The following RBMS3 variants were observed in gnomAD, a reference collection of about 807,000 sequenced individuals.
RBMS3 encodes RNA-binding motif, single-stranded-interacting protein 3.
In RBMS3, 27 loss-of-function variants were observed where a neutral mutation model predicts 66.8. That is an observed-to-expected ratio of 0.40 (90% CI 0.30 to 0.56). RBMS3 has a LOEUF of 0.56. Ranked by LOEUF, RBMS3 falls within the 20% of genes least tolerant of loss-of-function variation. The pLI is 0.40. For missense variants in RBMS3, 513 were observed against 549.5 expected (o/e 0.93, Z 0.66); for synonymous variants, 188 against 183.0 (o/e 1.03, Z -0.22).
At chr3:29,700,685 T>TTC (rs1553644564) in intron 4 of RBMS3, among the ~76,000 whole-genome samples, 7,361 of 151,406 alleles carry the variant, frequency 0.049, 600 homozygotes, top group African/African-American at 0.17. Context: ...TTTTTTTTTT[T>TTC]CAGGAAAGTG....
intron 6 of RBMS3, among the ~76,000 whole-genome samples, chr3:29,799,016 C>T (rs1210873419): frequency 6.8e-6 from 1 of 146,158 alleles, no homozygotes; most frequent in East Asian, 2.0e-4. Context: ...TCTTCAACCT[C>T]TTTAAATATT....
intron 6 of RBMS3, among the ~76,000 whole-genome samples, chr3:29,825,880 C>A (rs2058199584): frequency 6.6e-6 from 1 of 152,170 alleles, no homozygotes; most frequent in African/African-American, 2.4e-5. Flanking sequence ...ATAATCAAAT[C>A]TATTTCAAGG....
chr3:29,709,859 A>G (rs79483562), intron 4 of RBMS3, among the ~76,000 whole-genome samples: 4,303 of 152,332 alleles, frequency 0.028, 88 homozygotes, highest in Admixed American at 0.064. Context: ...ATAGAGATAA[A>G]GCGTTATCTT....
chr3:29,569,344 G>A (rs2046857103), intron 3 of RBMS3, among the ~76,000 whole-genome samples: 2 of 152,020 alleles, frequency 1.3e-5, no homozygotes, highest in East Asian at 1.9e-4. Context: ...GCAATTTAAA[G>A]GGACACGAAA....
intron 5 of RBMS3, among the ~76,000 whole-genome samples, chr3:29,748,876 G>A (rs112532980): frequency 0.2 from 30,413 of 152,092 alleles, 3,512 homozygotes; most frequent in Non-Finnish European, 0.27. Flanking sequence ...GTGGGGAAGG[G>A]GCAGGGGAGA....
At chr3:29,721,869 A>G (rs905720046) in intron 4 of RBMS3, among the ~76,000 whole-genome samples, 2 of 152,260 alleles carry the variant, frequency 1.3e-5, no homozygotes, top group African/African-American at 4.8e-5. Context: ...TTGAATGTCC[A>G]TCTTCATTCT....
chr3:29,484,321 TG>T (rs1264372419), intron 2 of RBMS3, among the ~76,000 whole-genome samples: 1 of 152,162 alleles, frequency 6.6e-6, no homozygotes, highest in Admixed American at 6.5e-5. Context: ...AGTTTTGAAG[TG>T]GGAAATACAA....
At chr3:29,667,771 G>A (rs1418327608) in intron 4 of RBMS3, among the ~76,000 whole-genome samples, 1 of 152,034 alleles carries the variant, frequency 6.6e-6, no homozygotes, top group Non-Finnish European at 1.5e-5. Flanking sequence ...AAATCTCTAA[G>A]CCCATATTTA....
chr3:29,795,611 T>C (rs2149434120), intron 6 of RBMS3, among the ~76,000 whole-genome samples: 1 of 152,300 alleles, frequency 6.6e-6, no homozygotes, highest in African/African-American at 2.4e-5. Flanking sequence ...ATTAATTAAT[T>C]GATAAATGGT....
At chr3:29,521,543 A>C (rs2044856893) in intron 3 of RBMS3, among the ~76,000 whole-genome samples, 1 of 152,196 alleles carries the variant, frequency 6.6e-6, no homozygotes, top group Non-Finnish European at 1.5e-5. Flanking sequence ...TGTTACTGGG[A>C]GTAAACTTTC....
At chr3:29,776,875 C>T (rs1007552021) in intron 6 of RBMS3, among the ~76,000 whole-genome samples, 6 of 151,924 alleles carry the variant, frequency 3.9e-5, no homozygotes, top group Middle Eastern at 3.4e-3. Flanking sequence ...TATACATGTC[C>T]ATGTTAGAGG....
intron 1 of RBMS3, among the ~76,000 whole-genome samples, chr3:29,282,651 T>C (rs1559457483): frequency 6.6e-6 from 1 of 152,110 alleles, no homozygotes; most frequent in Non-Finnish European, 1.5e-5. Context: ...GGGGAAAACA[T>C]GTTAGCGGAG....
chr3:29,554,306 T>G (rs1469109874), intron 3 of RBMS3, among the ~76,000 whole-genome samples: 1 of 152,220 alleles, frequency 6.6e-6, no homozygotes, highest in Non-Finnish European at 1.5e-5. Context: ...CTCTTAGCCT[T>G]TGGCTTTCAG....
chr3:29,415,024 G>A (rs780182821), intron 1 of RBMS3, among the ~76,000 whole-genome samples: 7 of 152,192 alleles, frequency 4.6e-5, no homozygotes, highest in Non-Finnish European at 8.8e-5. Context: ...GATAAATGCT[G>A]AGAAGGACAA....
At chr3:29,935,967 T>A in intron 10 of RBMS3, 119 bp from the exon 11 acceptor site, 1 of 836,178 alleles carries the variant, frequency 1.2e-6, no homozygotes, top group Non-Finnish European at 1.8e-6. Flanking sequence ...AATTTAGCCT[T>A]TTTAGTAAAA....
chr3:29,469,190 A>G (rs1038133796), intron 2 of RBMS3, among the ~76,000 whole-genome samples: 4 of 152,150 alleles, frequency 2.6e-5, no homozygotes, highest in African/African-American at 9.7e-5. Flanking sequence ...GAAATCTTAC[A>G]AATAGTGATA....
intron 4 of RBMS3, among the ~76,000 whole-genome samples, chr3:29,719,496 T>C (rs1164659415): frequency 6.6e-6 from 1 of 152,202 alleles, no homozygotes; most frequent in African/African-American, 2.4e-5. Flanking sequence ...TAAAACCAGA[T>C]TTAAGAAATT....
chr3:29,381,445 G>A (rs1047807240), intron 1 of RBMS3, among the ~76,000 whole-genome samples: 12 of 152,154 alleles, frequency 7.9e-5, no homozygotes, highest in Non-Finnish European at 1.8e-4. Context: ...CAGAAATGGG[G>A]TTGGTTTTGA....
chr3:29,957,079 G>A (rs1013980552), intron 12 of RBMS3, among the ~76,000 whole-genome samples: 1 of 152,014 alleles, frequency 6.6e-6, no homozygotes, highest in South Asian at 2.1e-4. Context: ...CACAGCAATT[G>A]TCTCAAATGT....
Sources: allele counts gnomAD v4.1 joint callset (sites outside exome capture counted in the v4.1 genomes callset), GRCh38; gene constraint gnomAD v4.1.1; transcripts MANE v1.5; gene names NCBI Gene and HGNC (gene_info 2026-07-23, HGNC 2026-07-21).